Variants in SEMA6D observed in about 807,000 individuals in gnomAD.
The protein encoded by SEMA6D is semaphorin-6D.
In SEMA6D, 35 loss-of-function variants were observed where a neutral mutation model predicts 106.6. The observed-to-expected ratio is 0.33, with a 90% confidence interval of 0.25 to 0.44. The LOEUF (loss-of-function observed/expected upper bound fraction) is 0.44. Among genes scored for constraint, SEMA6D ranks in the 20% least tolerant of loss-of-function variants. The pLI, the probability that SEMA6D is intolerant of heterozygous loss-of-function variation, is 1.00. For missense variants in SEMA6D, 1,185 were observed against 1,345.9 expected, an observed-to-expected ratio of 0.88 and a Z score of 1.87; for synonymous variants, 499 against 487.7, an observed-to-expected ratio of 1.02 and a Z score of -0.31.
chr15:47,757,806 C>A (rs1304001943), intron 1 of SEMA6D, among the ~76,000 whole-genome samples: 2 of 152,158 alleles, frequency 1.3e-5, no homozygotes, highest in Admixed American at 6.5e-5. Flanking sequence ...TAAAGTCAAT[C>A]TGGTCATACC....
At chr15:47,331,163 GA>G (rs987520091) in intron 1 of SEMA6D, among the ~76,000 whole-genome samples, 1 of 152,146 alleles carries the variant, frequency 6.6e-6, no homozygotes, top group African/African-American at 2.4e-5. Context: ...GTCACCATAG[GA>G]AAATCTGGAT....
At chr15:47,304,532 A>G (rs984217223) in intron 1 of SEMA6D, among the ~76,000 whole-genome samples, 1 of 152,080 alleles carries the variant, frequency 6.6e-6, no homozygotes, top group Non-Finnish European at 1.5e-5. Context: ...ACACAAAGAA[A>G]TAAAAATGAC....
chr15:47,450,425 G>A (rs1320307944), intron 2 of SEMA6D, among the ~76,000 whole-genome samples: 1 of 152,054 alleles, frequency 6.6e-6, no homozygotes, highest in African/African-American at 2.4e-5. Context: ...CCTTGTTAGT[G>A]TGTTTCCAGT....
chr15:47,459,143 G>A (rs1441368299), intron 2 of SEMA6D, among the ~76,000 whole-genome samples: 1 of 152,072 alleles, frequency 6.6e-6, no homozygotes, highest in African/African-American at 2.4e-5. Flanking sequence ...CTCTATCTCA[G>A]CAGACTGAAG....
chr15:47,354,199 C>CTCTCTA (rs1315953290), intron 1 of SEMA6D, among the ~76,000 whole-genome samples: 3 of 70,320 alleles, frequency 4.3e-5, no homozygotes, highest in East Asian at 3.6e-4. Context: ...CTCTCTCTCT[C>CTCTCTA]TATATATATA....
In SEMA6D at chr15:47,416,227, T is replaced by G. The variant is rs146363636; in HGVS notation, c.-159+3755T>G. Among the ~76,000 whole-genome samples, 583 of 152,244 alleles carry G rather than the reference T, an allele frequency of 3.8e-3. 8 individuals are homozygous for G. The highest frequency in any genetic ancestry group is 5.5e-3 in the Non-Finnish European group (373 of 68,006). ...GACCTCCAATCACATGGCAGCATCA[T>G]TTGTACCTTCTGTGACAATTAAAAT... is the stretch of plus-strand genomic sequence containing the variant. On this transcript the variant is annotated intron_variant, in intron 2 of 19. Transcript: ENST00000558014.
chr15:47,713,718 A>G (rs1567009031), upstream of SEMA6D, among the ~76,000 whole-genome samples: 1 of 152,244 alleles, frequency 6.6e-6, no homozygotes, highest in Non-Finnish European at 1.5e-5. Flanking sequence ...TAAAATTCAT[A>G]CAAAATGTTA....
chr15:47,706,256 T>C (rs1281048686), intron 4 of SEMA6D, among the ~76,000 whole-genome samples: 1 of 152,230 alleles, frequency 6.6e-6, no homozygotes, highest in African/African-American at 2.4e-5. Context: ...ATTGCTGTTA[T>C]ACATAGCACT....
chr15:47,359,064 T>C (rs2038700085), intron 1 of SEMA6D, among the ~76,000 whole-genome samples: 2 of 152,072 alleles, frequency 1.3e-5, no homozygotes, highest in African/African-American at 4.8e-5. Context: ...CTTAGGTATC[T>C]AGATGCAGGT....
At chr15:47,549,751 C>T (rs577190863) in intron 3 of SEMA6D, among the ~76,000 whole-genome samples, 15 of 152,180 alleles carry the variant, frequency 9.9e-5, no homozygotes, top group African/African-American at 3.6e-4. Flanking sequence ...TGATTATAAA[C>T]ACTTAAGGTA....
In SEMA6D at chr15:47,763,782, A is replaced by G; in HGVS notation, c.748-68A>G. 6 of 1,346,100 alleles carry G rather than the reference A, an allele frequency of 4.5e-6. No individual in the cohort carries two copies. In the South Asian group the frequency reaches 5.9e-5, roughly 13 times the overall value. The allele number at this position is 1,346,100 out of a possible 1,614,324, so 83.4% of individuals were successfully genotyped here. On this transcript the variant is annotated intron_variant, in intron 9 of 18. Transcript: ENST00000536845. Reference sequence around the variant, plus strand: ...AGTATTTTTTGTCCCTCCCTTAAACAGTATCATTTTGTTTCCATTCCTTTC... The same window carrying G: ...AGTATTTTTTGTCCCTCCCTTAAACGGTATCATTTTGTTTCCATTCCTTTC...
At chr15:47,752,616 T>G (rs1251708656) in intron 1 of SEMA6D, among the ~76,000 whole-genome samples, 2 of 152,088 alleles carry the variant, frequency 1.3e-5, no homozygotes, top group Non-Finnish European at 2.9e-5. Context: ...AGTACTTAAA[T>G]GGTTAAGAGT....
intron 2 of SEMA6D, among the ~76,000 whole-genome samples, chr15:47,458,993 G>A (rs1427146463): frequency 1.3e-5 from 2 of 151,988 alleles, no homozygotes; most frequent in African/African-American, 2.4e-5. Context: ...TTCTACCCTT[G>A]AGCGTGAATG....
intron 1 of SEMA6D, among the ~76,000 whole-genome samples, chr15:47,187,450 T>C (rs1461576087): frequency 6.6e-6 from 1 of 152,182 alleles, no homozygotes; most frequent in African/African-American, 2.4e-5. Flanking sequence ...TACTGTCTTT[T>C]TGCAAGTGCT....
chr15:47,700,393 A>G (rs2078785906), intron 4 of SEMA6D, among the ~76,000 whole-genome samples: 1 of 152,110 alleles, frequency 6.6e-6, no homozygotes, highest in African/African-American at 2.4e-5. Context: ...AAAATTTGCC[A>G]CGCATGATGG....
chr15:47,579,578 T>TA (rs1018364151), intron 3 of SEMA6D, among the ~76,000 whole-genome samples: 62 of 152,340 alleles, frequency 4.1e-4, no homozygotes, highest in African/African-American at 1.4e-3. Flanking sequence ...CTTTGCTTCA[T>TA]AAAACCATAT....
intron 1 of SEMA6D, among the ~76,000 whole-genome samples, chr15:47,389,515 A>C (rs772203322): frequency 2.0e-5 from 3 of 152,188 alleles, no homozygotes; most frequent in Non-Finnish European, 4.4e-5. Context: ...AGAATCTAAA[A>C]TACACAAAAC....
At chr15:47,712,331 T>C (rs2079037232) in intron 4 of SEMA6D, among the ~76,000 whole-genome samples, 1 of 152,184 alleles carries the variant, frequency 6.6e-6, no homozygotes, top group Admixed American at 6.5e-5. Context: ...CATAGAATGG[T>C]ATACTAGAAA....
chr15:47,383,859 A>G (rs1490615464), intron 1 of SEMA6D, among the ~76,000 whole-genome samples: 6 of 152,288 alleles, frequency 3.9e-5, no homozygotes, highest in South Asian at 2.1e-4. Context: ...CACACATTCA[A>G]TTTCTCATAA....
Sources: allele counts gnomAD v4.1 joint callset (sites outside exome capture counted in the v4.1 genomes callset), GRCh38; gene constraint gnomAD v4.1.1; transcripts MANE v1.5; gene names NCBI Gene and HGNC (gene_info 2026-07-23, HGNC 2026-07-21).